The following PASD1 variants were observed in gnomAD, a reference collection of about 807,000 sequenced individuals.
PASD1 encodes circadian clock protein PASD1.
Under a neutral mutation model 58.8 loss-of-function variants are expected in PASD1, and 13 were observed. That is an observed-to-expected ratio of 0.22 (90% CI 0.14 to 0.35). The LOEUF (loss-of-function observed/expected upper bound fraction) is 0.35. Ranked by LOEUF, PASD1 falls within the 10% of genes least tolerant of loss-of-function variation. PASD1 has a pLI of 1.00. For synonymous variants in PASD1, 236 were observed against 216.7 expected (o/e 1.09, Z -0.78); for missense variants, 734 against 568.3 (o/e 1.29, Z -2.96).
Position 151,676,021 on chromosome X carries a change from G to C in PASD1, c.2200G>C (p.Glu734Gln). ...HQVQVSEVGVEGPPDPQAFQG... is the reference protein window; with the variant it reads ...HQVQVSEVGVQGPPDPQAFQG... ...GGTGCAAGTTTCTGAGGTAGGAGTC[G>C]AGGGACCTCCTGATCCACAGGCTTT... The change falls in exon 16 of 16, where the codon GAG (glutamate) becomes CAG (glutamine). Residue 734 changes from glutamate to glutamine, a missense_variant. By Grantham distance (29) the Glu-to-Gln change is conservative. Coordinates refer to ENST00000370357, the MANE Select transcript of PASD1 (RefSeq NM_173493.3). The C allele has an allele frequency of 8.3e-7, 1 of 1,211,440 alleles. No individual in the cohort carries two copies. The highest frequency in any genetic ancestry group is 1.1e-6 in the Non-Finnish European group (1 of 895,138).
intron 8 of PASD1, among the ~76,000 whole-genome samples, chrX:151,642,359 A>G (rs1457507645): frequency 8.9e-6 from 1 of 112,405 alleles, no homozygotes; most frequent in Non-Finnish European, 1.9e-5. Context: ...TCCCTTATCT[A>G]TTCAGTATAC....
chrX:151,628,117 A>G (rs769223365), intron 8 of PASD1, among the ~76,000 whole-genome samples: 2 of 111,025 alleles, frequency 1.8e-5, no homozygotes, highest in Non-Finnish European at 3.8e-5. Context: ...CCTTTGTCAG[A>G]TGAGTAGATT....
intron 7 of PASD1, 123 bp downstream of exon 7, chrX:151,623,187 G>T: frequency 1.3e-6 from 1 of 797,627 alleles, no homozygotes; most frequent in Non-Finnish European, 1.7e-6. Context: ...TGTGCAGAGG[G>T]TTGTGCTGGG....
chrX:151,616,914 C>G (rs535759216), intron 4 of PASD1, among the ~76,000 whole-genome samples: 1 of 111,216 alleles, frequency 9.0e-6, no homozygotes, highest in East Asian at 2.8e-4. Flanking sequence ...CTTCCCTGTG[C>G]CCTATACAGT....
intron 15 of PASD1, among the ~76,000 whole-genome samples, chrX:151,675,728 A>G (rs778439367): frequency 8.9e-6 from 1 of 112,147 alleles, no homozygotes; most frequent in Non-Finnish European, 1.9e-5. Flanking sequence ...AGAGAGGGCC[A>G]GACACAGACC....
Position 151,627,108 on chromosome X carries a change from T to A in PASD1, c.629+1578T>A, listed in dbSNP as rs1364194037. On this transcript the variant is annotated intron_variant, in intron 8 of 15. Transcript: ENST00000370357. Reference sequence around the variant, plus strand: ...GTGTTGAATGTGACAATGTGACATGTCTGCTCATGCCATGATCACATTTAT... The same window carrying A: ...GTGTTGAATGTGACAATGTGACATGACTGCTCATGCCATGATCACATTTAT... Among the ~76,000 whole-genome samples the A allele has an allele frequency of 2.7e-5, 3 of 112,097 alleles. No homozygotes were observed. In the East Asian group the frequency reaches 8.3e-4, roughly 31 times the overall value.
At chrX:151,595,457 G>T (rs1334868932) in intron 1 of PASD1, among the ~76,000 whole-genome samples, 1 of 111,250 alleles carries the variant, frequency 9.0e-6, no homozygotes, top group Non-Finnish European at 1.9e-5. Context: ...AGTGGCTTAC[G>T]CCTGTAATCC....
At chrX:151,613,877 A>G (rs1490347886) in intron 4 of PASD1, among the ~76,000 whole-genome samples, 3 of 111,824 alleles carry the variant, frequency 2.7e-5, no homozygotes, top group Admixed American at 9.5e-5. Flanking sequence ...GAGTCTGAGA[A>G]GTCGAAGATT....
chrX:151,625,605 T>C, intron 8 of PASD1, 75 bp downstream of exon 8: 1 of 766,436 alleles, frequency 1.3e-6, no homozygotes, highest in South Asian at 2.7e-5. Context: ...ACAAGAGAAA[T>C]AACACCTACA....
At chrX:151,669,208 A>C (rs1460736535) in intron 11 of PASD1, among the ~76,000 whole-genome samples, 2 of 107,006 alleles carry the variant, frequency 1.9e-5, no homozygotes, top group Admixed American at 2.1e-4. Context: ...TATATAGTAT[A>C]CATAGTTTAG....
intron 1 of PASD1, among the ~76,000 whole-genome samples, chrX:151,564,873 C>G (rs1390406899): frequency 1.8e-5 from 2 of 111,431 alleles, no homozygotes; most frequent in African/African-American, 6.5e-5. Flanking sequence ...CCTGTATTTT[C>G]AATCAAAACT....
intron 9 of PASD1, among the ~76,000 whole-genome samples, chrX:151,651,935 C>T (rs2014133326): frequency 8.9e-6 from 1 of 112,237 alleles, no homozygotes; most frequent in Non-Finnish European, 1.9e-5. Context: ...GAGGCGTCTA[C>T]TTTTAAAACT....
intron 8 of PASD1, among the ~76,000 whole-genome samples, chrX:151,632,698 T>G (rs1471110525): frequency 8.9e-6 from 1 of 112,076 alleles, no homozygotes; most frequent in African/African-American, 3.2e-5. Context: ...GTGGAGGTCT[T>G]GTAATATAGT....
intron 1 of PASD1, among the ~76,000 whole-genome samples, chrX:151,572,736 A>C (rs1229271846): frequency 1.8e-5 from 2 of 109,969 alleles, no homozygotes; most frequent in Non-Finnish European, 3.8e-5. Context: ...TGATTCATGA[A>C]GATGTCTTTT....
intron 10 of PASD1, among the ~76,000 whole-genome samples, chrX:151,662,772 T>G (rs1433334018): frequency 8.9e-6 from 1 of 112,246 alleles, no homozygotes; most frequent in African/African-American, 3.2e-5. Flanking sequence ...TATGGTATAT[T>G]TATTGATTTT....
intron 8 of PASD1, among the ~76,000 whole-genome samples, chrX:151,633,801 A>G (rs2124282967): frequency 8.9e-6 from 1 of 112,512 alleles, no homozygotes; most frequent in East Asian, 2.8e-4. Context: ...CTAATGAAAA[A>G]AGTCTAATAA....
chrX:151,599,413 C>G (rs1374874935), intron 1 of PASD1, among the ~76,000 whole-genome samples: 12 of 110,764 alleles, frequency 1.1e-4, no homozygotes, highest in African/African-American at 3.9e-4. Flanking sequence ...AGAGGCGCCC[C>G]CCACCTCCCG....
chrX:151,578,287 T>A (rs2013039853), intron 1 of PASD1: 1 of 112,441 alleles, frequency 8.9e-6, no homozygotes, highest in Non-Finnish European at 1.9e-5. Context: ...CCTGTTAACA[T>A]CTTTTGGTAT....
chrX:151,602,022 T>C (rs1232064096), intron 2 of PASD1, among the ~76,000 whole-genome samples: 3 of 112,511 alleles, frequency 2.7e-5, no homozygotes, highest in Non-Finnish European at 5.6e-5. Flanking sequence ...TGTCAAAAGT[T>C]TGCAGTATGA....
Sources: gnomAD v4.1 joint callset for allele counts (sites outside exome capture counted in the v4.1 genomes callset) on GRCh38, gnomAD v4.1.1 for gene constraint, MANE v1.5 for transcripts, NCBI Gene and HGNC (gene_info 2026-07-23, HGNC 2026-07-21) for gene names.